The following PRKCZ variants were observed in gnomAD, a reference collection of about 807,000 sequenced individuals.
PRKCZ encodes protein kinase C zeta type.
Under a neutral mutation model 79.5 loss-of-function variants are expected in PRKCZ, and 33 were observed. That is an observed-to-expected ratio of 0.41 (90% CI 0.31 to 0.55). The LOEUF is 0.55. PRKCZ is among the 20% of genes least tolerant of loss of function. The pLI, the probability that PRKCZ is intolerant of heterozygous loss-of-function variation, is 0.19. For synonymous variants in PRKCZ, 342 were observed against 320.9 expected, an observed-to-expected ratio of 1.07 and a Z score of -0.70; for missense variants, 578 against 813.5, an observed-to-expected ratio of 0.71 and a Z score of 3.52.
chr1:2,068,991 C>T (rs1212654834), intron 4 of PRKCZ, among the ~76,000 whole-genome samples: 4 of 152,248 alleles, frequency 2.6e-5, no homozygotes, highest in South Asian at 2.1e-4. Context: ...GTTGGGGAAA[C>T]GTGGCCCAGT....
At chr1:2,081,881 G>T (rs1663600896) in intron 4 of PRKCZ, among the ~76,000 whole-genome samples, 1 of 152,156 alleles carries the variant, frequency 6.6e-6, no homozygotes, top group African/African-American at 2.4e-5. Context: ...TCCTCAGTTG[G>T]TTTGATGAGA....
intron 9 of PRKCZ, among the ~76,000 whole-genome samples, chr1:2,152,097 C>G (rs991968117): frequency 2.6e-5 from 4 of 152,138 alleles, no homozygotes; most frequent in African/African-American, 9.7e-5. Flanking sequence ...GCACTCTGCC[C>G]GCCTCAGCCT....
chr1:2,065,678 C>CAAAAAAAAAA lies in PRKCZ; in HGVS notation c.334+6102_334+6111dup, dbSNP rs61017134. On this transcript the variant is annotated intron_variant, in intron 4 of 17. Transcript: ENST00000378567. ...TGGGCAACAGAGCCAGACTCTGTCT[C>CAAAAAAAAAA]AAAAAAAAAAAAAAAAAAAAAAAAG... Among the ~76,000 whole-genome samples the CAAAAAAAAAA allele has an allele frequency of 1.7e-3, 94 of 56,100 alleles. 7 individuals are homozygous for CAAAAAAAAAA. The East Asian group carries it at 0.034, about 20-fold the overall frequency. The allele number at this position is 56,100 out of a possible 152,430, so 36.8% of individuals were successfully genotyped here.
intron 4 of PRKCZ, chr1:2,074,249 G>A: frequency 6.4e-7 from 1 of 1,550,508 alleles, no homozygotes; most frequent in Non-Finnish European, 8.7e-7. Context: ...GGCTGCTGGA[G>A]GGACATGCTC....
rs147375796 is a variant in PRKCZ at position 2,112,691 on chromosome 1, G to GTTTT, written c.335-22560_335-22557dup. ...TTTTGTTTGTTTGGTTGGTTGGTTG[G>GTTTT]TTTTTTTTTTTTTTGGAGACAGAGT... is the stretch of plus-strand genomic sequence containing the variant. On this transcript the variant is annotated intron_variant, in intron 4 of 17. Transcript: ENST00000378567. 6.1e-5 allele frequency among the ~76,000 whole-genome samples: 9 copies of GTTTT among 146,498 alleles called. No homozygotes were observed. In the East Asian group the frequency reaches 1.8e-3, roughly 29 times the overall value.
rs1371609610 is a variant in PRKCZ at position 2,169,600 on chromosome 1, G to A, written c.1057G>A (p.Ala353Thr). The A allele has an allele frequency of 3.3e-6, 5 of 1,509,464 alleles. No individual in the cohort carries two copies. The highest frequency in any genetic ancestry group is 4.1e-5 in the Admixed American group (2 of 48,280). The allele number at this position is 1,509,464 out of a possible 1,614,324, so 93.5% of individuals were successfully genotyped here. A position where few individuals can be genotyped will look rare whatever the true frequency, so the allele number is the denominator to read the frequency against. ...GCAGAGGAAGCTCCCTGAGGAGCAC[G>A]CCAGGTGGGTGCGCGTGGACGGGGC... ...QRQRKLPEEHARFYAAEICIA... is the reference protein window; with the variant it reads ...QRQRKLPEEHTRFYAAEICIA... Residue 353 changes from alanine to threonine, a missense_variant, in exon 11 of 18, where the codon GCC becomes ACC. Coordinates refer to ENST00000378567, the MANE Select transcript of PRKCZ (RefSeq NM_002744.6).
chr1:2,074,126 G>A (rs1223120982), intron 4 of PRKCZ: 10 of 1,529,622 alleles, frequency 6.5e-6, no homozygotes, highest in East Asian at 2.5e-5. Context: ...GAAGGCGTGC[G>A]GCTGCAGCAG....
chr1:2,065,343 C>A (rs1376918264), intron 4 of PRKCZ, among the ~76,000 whole-genome samples: 6 of 152,100 alleles, frequency 3.9e-5, no homozygotes, highest in African/African-American at 1.4e-4. Flanking sequence ...CTTTTTCTTG[C>A]CTAATTGTTC....
intron 3 of PRKCZ, among the ~76,000 whole-genome samples, chr1:2,056,839 C>T (rs1326477972): frequency 2.0e-5 from 3 of 151,648 alleles, no homozygotes; most frequent in Non-Finnish European, 4.4e-5. Context: ...TGCCATTCTC[C>T]TGCCTCAGCC....
At chr1:2,093,355 C>T (rs1224957458) in intron 4 of PRKCZ, among the ~76,000 whole-genome samples, 1 of 152,098 alleles carries the variant, frequency 6.6e-6, no homozygotes, top group Admixed American at 6.5e-5. Flanking sequence ...GTCCTCTGGC[C>T]GCCCTGGGGC....
At chr1:2,129,913 T>G (rs754280172) in intron 4 of PRKCZ, among the ~76,000 whole-genome samples, 5 of 152,134 alleles carry the variant, frequency 3.3e-5, no homozygotes, top group Non-Finnish European at 4.4e-5. Flanking sequence ...TTGTTTTGTT[T>G]TGTTTTTGAG....
chr1:2,115,548 C>T (rs879851147), intron 4 of PRKCZ, among the ~76,000 whole-genome samples: 2 of 152,202 alleles, frequency 1.3e-5, no homozygotes, highest in Non-Finnish European at 2.9e-5. Flanking sequence ...GACGTTAGCG[C>T]AGACCCTGCA....
chr1:2,143,714 G>C (rs1276793340), intron 5 of PRKCZ: 1 of 153,208 alleles, frequency 6.5e-6, no homozygotes, highest in African/African-American at 2.4e-5. Flanking sequence ...ATAATTGCAG[G>C]CTGCCATGTA....
chr1:2,160,447 G>A (rs573854014), intron 10 of PRKCZ, among the ~76,000 whole-genome samples: 1 of 152,192 alleles, frequency 6.6e-6, no homozygotes, highest in African/African-American at 2.4e-5. Context: ...GTTGGGTCAC[G>A]TAGGAGGGGC....
Position 2,128,752 on chromosome 1 carries a change from C to T in PRKCZ, c.335-6510C>T, listed in dbSNP as rs1363963508. ...CCGTGTGGCTGCACCGTCCACTGTG[C>T]GCTGTCCACTGCAGGAGACCCCAGG... On this transcript the variant is annotated intron_variant, in intron 4 of 17. Coordinates refer to ENST00000378567, the MANE Select transcript of PRKCZ (RefSeq NM_002744.6). The surrounding 1 kb of genome is among the most constrained non-coding windows in gnomAD (Gnocchi z 6.5). Among the ~76,000 whole-genome samples, 1 of 152,204 alleles carries T rather than the reference C, an allele frequency of 6.6e-6. No homozygotes were observed. Among genetic ancestry groups the T allele is most frequent in the African/African-American group, 2.4e-5 (1 of 41,454 alleles).
chr1:2,076,585 T>C (rs1216342500), intron 4 of PRKCZ, among the ~76,000 whole-genome samples: 1 of 151,704 alleles, frequency 6.6e-6, no homozygotes, highest in Admixed American at 6.6e-5. Flanking sequence ...CTACTAAAAA[T>C]ACAAAAATTA....
Position 2,121,780 on chromosome 1 carries a change from T to C in PRKCZ, c.335-13482T>C, listed in dbSNP as rs373206567. 9.2e-3 allele frequency among the ~76,000 whole-genome samples: 111 copies of C among 12,080 alleles called. 10 individuals are homozygous for C. The highest frequency in any genetic ancestry group is 0.038 in the African/African-American group (90 of 2,368). 7.9% of individuals were successfully genotyped at this position (12,080 alleles called of 152,430 possible). ...GTCACGGCGGTGGTTAGGGTCACGG[T>C]GGTGGTTAGGGTCACGGCGGTGGTT... On this transcript the variant is annotated intron_variant, in intron 4 of 17. Coordinates refer to ENST00000378567, the MANE Select transcript of PRKCZ (RefSeq NM_002744.6).
At position 2,050,472 on chromosome 1, in the gene PRKCZ, C is replaced by T. The variant is rs1003578671; in HGVS notation, c.-159C>T. The T allele has an allele frequency of 3.5e-6, 1 of 283,400 alleles. No homozygotes were observed. The highest frequency in any genetic ancestry group is 2.3e-5 in the African/African-American group (1 of 43,864). 17.6% of individuals were successfully genotyped at this position (283,400 alleles called of 1,614,324 possible). On this transcript the variant is annotated 5_prime_UTR_variant, in exon 1 of 18. Transcript: ENST00000378567. The stretch of plus-strand genomic sequence containing the variant: ...CGCCCCGCGCGCCCCCCGCTCCCGC[C>T]CCGCGCGCCGCCGGAGTTCCGCGGA...
rs1684662222 is a variant in PRKCZ at position 2,172,693 on chromosome 1, C to T, written c.1285+305C>T. The stretch of plus-strand genomic sequence containing the variant: ...GTGGGACAGGGTGCAGCACCTGAGT[C>T]CCCGTGCTGCACGAGTGGCTGGGGG... On this transcript the variant is annotated intron_variant, in intron 13 of 17. Transcript: ENST00000378567. This position sits in a 1 kb window ranked among gnomAD's most constrained non-coding sequence, Gnocchi z 7.8. Among the ~76,000 whole-genome samples, 2 of 152,162 alleles carry T rather than the reference C, an allele frequency of 1.3e-5. No homozygotes were observed. Among genetic ancestry groups the T allele is most frequent in the Non-Finnish European group, 2.9e-5 (2 of 68,014 alleles).
Sources: allele counts gnomAD v4.1 joint callset (sites outside exome capture counted in the v4.1 genomes callset), GRCh38; gene constraint gnomAD v4.1.1; non-coding constraint Gnocchi (gnomAD v3.1); transcripts MANE v1.5; gene names NCBI Gene and HGNC (gene_info 2026-07-23, HGNC 2026-07-21).